Variants in SDK1 observed in about 807,000 individuals in gnomAD.
The protein encoded by SDK1 is protein sidekick-1.
SDK1 carries 157 observed loss-of-function variants against 245.5 expected under a neutral mutation model. The ratio of observed to expected loss-of-function variants is 0.64; its 90% CI spans 0.56 to 0.73. SDK1 has a LOEUF of 0.73. Ranked by LOEUF, SDK1 falls within the 30% of genes least tolerant of loss-of-function variation. The probability of loss-of-function intolerance (pLI) is 0.00; values close to 1 mark genes in which losing one functional copy is unlikely to be tolerated. For synonymous variants in SDK1, 1,647 were observed against 1,278.5 expected (o/e 1.29, Z -6.15); for missense variants, 3,583 against 3,002.3 (o/e 1.19, Z -4.52).
At chr7:3,541,263 T>G (rs1372763673) in intron 1 of SDK1, among the ~76,000 whole-genome samples, 1 of 152,264 alleles carries the variant, frequency 6.6e-6, no homozygotes, top group African/African-American at 2.4e-5. Context: ...GTGCTTTGTG[T>G]GAGTTAGAAA....
intron 4 of SDK1, among the ~76,000 whole-genome samples, chr7:3,792,314 C>G (rs1781122740): frequency 6.6e-6 from 1 of 152,110 alleles, no homozygotes; most frequent in Admixed American, 6.5e-5. Context: ...GACTCAACTG[C>G]ATGTGCCTTT....
rs569996537 is a variant in SDK1 at position 3,433,099 on chromosome 7, T to G, written c.298+131215T>G. Among the ~76,000 whole-genome samples the G allele has an allele frequency of 1.4e-3, 219 of 152,328 alleles. 13 individuals are homozygous for G. The highest frequency in any genetic ancestry group is 1.9e-3 in the South Asian group (9 of 4,826). On this transcript the variant is annotated intron_variant, in intron 1 of 44. Coordinates refer to ENST00000404826, the MANE Select transcript of SDK1 (RefSeq NM_152744.4). ...GGTTGCAAAACCTATCCCCAGAGATTCCAGTCAACATAATTCAAGTTGACC... is the reference window on the plus strand; with the variant it reads ...GGTTGCAAAACCTATCCCCAGAGATGCCAGTCAACATAATTCAAGTTGACC...
At chr7:3,461,759 C>G (rs181594866) in intron 1 of SDK1, among the ~76,000 whole-genome samples, 30 of 152,276 alleles carry the variant, frequency 2.0e-4, no homozygotes, top group Non-Finnish European at 4.1e-4. Flanking sequence ...ATCCAACTTA[C>G]AGAAATGACT....
intron 2 of SDK1, among the ~76,000 whole-genome samples, chr7:3,630,096 A>C (rs1215826342): frequency 2.0e-5 from 3 of 152,240 alleles, no homozygotes; most frequent in African/African-American, 7.2e-5. Flanking sequence ...CAGATAGAAA[A>C]AAAATCAAAC....
intron 2 of SDK1, among the ~76,000 whole-genome samples, chr7:3,627,117 C>T (rs1286743968): frequency 6.6e-6 from 1 of 151,994 alleles, no homozygotes; most frequent in East Asian, 1.9e-4. Flanking sequence ...TCTGTAGACA[C>T]AGGGTTTCAC....
At chr7:3,646,441 A>G (rs1782838471) in intron 4 of SDK1, among the ~76,000 whole-genome samples, 1 of 152,216 alleles carries the variant, frequency 6.6e-6, no homozygotes, top group African/African-American at 2.4e-5. Context: ...CTTTAAACAT[A>G]TCTTCTCTAA....
chr7:3,933,709 A>G (rs1486392328), intron 5 of SDK1, among the ~76,000 whole-genome samples: 1 of 152,240 alleles, frequency 6.6e-6, no homozygotes, highest in Non-Finnish European at 1.5e-5. Context: ...ACGTGAGAAA[A>G]AAAGTGCCCT....
rs567058640 is a variant in SDK1, at chr7:3,426,299, G to A, written c.298+124415G>A. ...TGCAGCATGGAAGGGTGCTAAGTGC[G>A]TCACTGAGTGATAAGGGTGCTAAGT... On this transcript the variant is annotated intron_variant, in intron 1 of 44. Transcript: ENST00000404826. Among the ~76,000 whole-genome samples the A allele has an allele frequency of 1.2e-4, 19 of 152,252 alleles. No individual in the cohort carries two copies. In the East Asian group the frequency reaches 2.7e-3, roughly 22 times the overall value.
At chr7:3,974,573 C>T (rs1187658269) in intron 13 of SDK1, 28 bp downstream of exon 13, 1 of 1,603,866 alleles carries the variant, frequency 6.2e-7, no homozygotes, top group African/African-American at 1.3e-5. Context: ...TGGTGTTAGC[C>T]AGTCCGCGGT....
chr7:4,002,506 C>G (rs1488564378), intron 14 of SDK1, among the ~76,000 whole-genome samples: 1 of 151,986 alleles, frequency 6.6e-6, no homozygotes, highest in East Asian at 1.9e-4. Flanking sequence ...AAGTAATTAC[C>G]CAAAGCATTG....
intron 22 of SDK1, among the ~76,000 whole-genome samples, chr7:4,080,326 T>C (rs1780975933): frequency 6.6e-6 from 1 of 152,152 alleles, no homozygotes; most frequent in African/African-American, 2.4e-5. Context: ...AGGATCATGC[T>C]GGCATTGGTG....
chr7:3,969,081 A>G (rs558438218), intron 10 of SDK1, among the ~76,000 whole-genome samples, 176 bp from the exon 11 acceptor site: 2 of 152,348 alleles, frequency 1.3e-5, no homozygotes, highest in African/African-American at 2.4e-5. Context: ...AACCACCCTC[A>G]GGATCCAGTC....
chr7:3,479,717 C>G lies in SDK1; in HGVS notation c.299-139363C>G, dbSNP rs183646567. On this transcript the variant is annotated intron_variant, in intron 1 of 44. Transcript: ENST00000404826. Reference sequence around the variant, plus strand: ...TTTCTACTAAAAATACAAAATTTAGCTGGGCATGGTGGCGTGTGCATGTAG... The same window carrying G: ...TTTCTACTAAAAATACAAAATTTAGGTGGGCATGGTGGCGTGTGCATGTAG... Among the ~76,000 whole-genome samples, 636 of 152,004 alleles carry G rather than the reference C, an allele frequency of 4.2e-3. 7 individuals are homozygous for G. Among genetic ancestry groups the G allele is most frequent in the South Asian group, 0.017 (84 of 4,810 alleles).
At chr7:4,075,683 C>G (rs978304129) in intron 20 of SDK1, among the ~76,000 whole-genome samples, 1 of 146,692 alleles carries the variant, frequency 6.8e-6, no homozygotes, top group Admixed American at 6.9e-5. Flanking sequence ...AAGACAAAGT[C>G]TTGCTCTGTC....
intron 4 of SDK1, among the ~76,000 whole-genome samples, chr7:3,645,571 G>A (rs1782808406): frequency 6.6e-6 from 1 of 152,132 alleles, no homozygotes; most frequent in African/African-American, 2.4e-5. Context: ...CATGTACCCT[G>A]AAACTATGTA....
At chr7:3,510,715 C>T (rs1782551520) in intron 1 of SDK1, among the ~76,000 whole-genome samples, 1 of 152,102 alleles carries the variant, frequency 6.6e-6, no homozygotes, top group Non-Finnish European at 1.5e-5. Context: ...TAGCAGTTCT[C>T]AGAGAGAACA....
rs1490329722 is a variant in SDK1, at chr7:3,301,694, C to A, written c.108C>A (p.Ala36=). 2 of 974,376 alleles carry A rather than the reference C, an allele frequency of 2.1e-6. No individual in the cohort carries two copies. Among genetic ancestry groups the A allele is most frequent in the Non-Finnish European group, 2.4e-6 (2 of 824,092 alleles). The allele number at this position is 974,376 out of a possible 1,614,324, so 60.4% of individuals were successfully genotyped here. ...GRPRGSPPGR[A]RPSLAPRPGP... ...CGCGGGGATCCCCGCCCGGCCGCGCCCGCCCCTCGCTGGCGCCGCGCCCCG... is the reference window on the plus strand; with the variant it reads ...CGCGGGGATCCCCGCCCGGCCGCGCACGCCCCTCGCTGGCGCCGCGCCCCG... The change falls in exon 1 of 45, where the codon GCC becomes GCA. Residue 36 remains alanine, a synonymous_variant. Transcript: ENST00000404826.
intron 4 of SDK1, among the ~76,000 whole-genome samples, chr7:3,784,378 A>G (rs1396719396): frequency 1.3e-5 from 2 of 152,054 alleles, no homozygotes; most frequent in East Asian, 1.9e-4. Context: ...ATCAACTCAA[A>G]ATGGATTAAA....
chr7:3,441,360 G>A (rs1002411421), intron 1 of SDK1, among the ~76,000 whole-genome samples: 1 of 152,006 alleles, frequency 6.6e-6, no homozygotes, highest in African/African-American at 2.4e-5. Context: ...TGTACATCAT[G>A]ACATGTGTGG....
Sources: gnomAD v4.1 joint callset for allele counts (sites outside exome capture counted in the v4.1 genomes callset) on GRCh38, gnomAD v4.1.1 for gene constraint, MANE v1.5 for transcripts, NCBI Gene and HGNC (gene_info 2026-07-23, HGNC 2026-07-21) for gene names.